The following SIM1 variants were observed in gnomAD, a reference collection of about 807,000 sequenced individuals.
SIM1 encodes the protein single-minded homolog 1.
A neutral mutation model predicts 78.2 loss-of-function variants in SIM1; 18 were observed. That is an observed-to-expected ratio of 0.23 (90% confidence interval 0.16 to 0.34). The LOEUF (loss-of-function observed/expected upper bound fraction) is 0.34. Ranked by LOEUF, SIM1 falls within the 10% of genes least tolerant of loss-of-function variation. SIM1 has a pLI of 1.00. For missense variants in SIM1, 939 were observed against 975.1 expected (o/e 0.96, Z 0.49); for synonymous variants, 417 against 385.2 (o/e 1.08, Z -0.97).
At position 100,393,567 on chromosome 6, in the gene SIM1, G is replaced by C; in HGVS notation, c.1490C>G (p.Pro497Arg). The change falls in exon 11 of 12, where the codon CCC (proline) becomes CGC (arginine). Residue 497 changes from proline to arginine, a missense_variant. Physicochemically the swap from Pro to Arg is moderately radical, Grantham distance 103. Around this residue, in one of 5 missense-constraint regions of SIM1, gnomAD observed 556 missense variants for 521.9 expected, o/e 1.07. Transcript: ENST00000369208. Reference protein sequence around the residue: ...EPWWGSRAALPLTKASPESRE... With the variant: ...EPWWGSRAALRLTKASPESRE... ...GCTTTCTGGGGAGGCCTTTGTCAGG[G>C]GCAAGGCTGCGCGAGAGCCCCACCA... The C allele has an allele frequency of 1.2e-6, 2 of 1,612,968 alleles. No homozygotes were observed. The highest frequency in any genetic ancestry group is 2.2e-5 in the South Asian group (2 of 91,012).
chr6:100,420,195 C>T lies in SIM1; in HGVS notation c.1167+595G>A, dbSNP rs117673229. Among the ~76,000 whole-genome samples the T allele has an allele frequency of 3.9e-3, 586 of 152,196 alleles. 8 individuals are homozygous for T. Among genetic ancestry groups the T allele is most frequent in the Admixed American group, 0.026 (390 of 15,288 alleles). On this transcript the variant is annotated intron_variant, in intron 10 of 11. Transcript: ENST00000369208. Reference sequence around the variant, plus strand: ...TTTTTTCTTCCAAGAACCAGGAATCCTATTTGTACCTTGCAGTGTTTCTGG... The same window carrying T: ...TTTTTTCTTCCAAGAACCAGGAATCTTATTTGTACCTTGCAGTGTTTCTGG...
chr6:100,464,164 C>T (rs1582333960), intron 1 of SIM1, among the ~76,000 whole-genome samples: 1 of 152,282 alleles, frequency 6.6e-6, no homozygotes, highest in African/African-American at 2.4e-5. Flanking sequence ...TGGGAAGTTG[C>T]CCAAACAACA....
rs759845717 is a variant in SIM1 at position 100,453,749 on chromosome 6, C to T, written c.258+13G>A. 1.3e-5 allele frequency: 21 copies of T among 1,601,818 alleles called. No homozygotes were observed. Among genetic ancestry groups the T allele is most frequent in the Non-Finnish European group, 1.8e-5 (21 of 1,171,738 alleles). ...TCAAAGCTTATGTGTTGCCGGAAGA[C>T]CTGCACCTGTACCTGGAGCAGATGG... On this transcript the variant is annotated intron_variant, in intron 3 of 11. Coordinates refer to ENST00000369208, the MANE Select transcript of SIM1 (RefSeq NM_005068.3).
At chr6:100,431,844 T>A (rs1771909708) in intron 9 of SIM1, among the ~76,000 whole-genome samples, 2 of 152,218 alleles carry the variant, frequency 1.3e-5, no homozygotes. Context: ...AATCTATTTG[T>A]CTTAAGCCGA....
At chr6:100,459,782 T>C (rs1772788099) in intron 2 of SIM1, among the ~76,000 whole-genome samples, 1 of 152,256 alleles carries the variant, frequency 6.6e-6, no homozygotes, top group African/African-American at 2.4e-5. Context: ...TCAGAAAATA[T>C]ATCTGATCCT....
At chr6:100,442,202 A>C (rs190107097) in intron 9 of SIM1, among the ~76,000 whole-genome samples, 13 of 152,362 alleles carry the variant, frequency 8.5e-5, no homozygotes, top group Admixed American at 5.2e-4. Flanking sequence ...TTCATGAAAG[A>C]TGAATTCAAA....
chr6:100,446,371 A>G (rs916970744), intron 9 of SIM1, among the ~76,000 whole-genome samples: 3 of 152,172 alleles, frequency 2.0e-5, no homozygotes, highest in Non-Finnish European at 4.4e-5. Context: ...TAAACAACCC[A>G]TGAGATCCCC....
intron 10 of SIM1, among the ~76,000 whole-genome samples, chr6:100,398,921 C>A (rs1014312702): frequency 6.8e-6 from 1 of 146,486 alleles, no homozygotes; most frequent in Non-Finnish European, 1.5e-5. Flanking sequence ...ACATCCTCAC[C>A]AACACTTGTT....
Position 100,390,903 on chromosome 6 carries a change from C to T in SIM1, c.1759G>A (p.Ala587Thr). The stretch of plus-strand genomic sequence containing the variant: ...ATGGAAGCCAGTTGGTCTGAGGGGG[C>T]TTTCCTTAGCTGTAATCTGTTCTCT... ...EEENRLQLRK[A>T]PSDQLASING... Residue 587 changes from alanine (A) to threonine (T), a missense_variant, in exon 12 of 12, where the codon GCC becomes ACC. By Grantham distance (58) the Ala-to-Thr change is moderately conservative (BLOSUM62 0). Transcript: ENST00000369208. The T allele has an allele frequency of 6.2e-7, 1 of 1,614,096 alleles. No homozygotes were observed. Among genetic ancestry groups the T allele is most frequent in the Non-Finnish European group, 8.5e-7 (1 of 1,180,020 alleles).
chr6:100,386,246 T>G lies in SIM1; in HGVS notation c.*4115A>C, dbSNP rs1322966201. ...CATTTTATATCAGAAAGACTGTGTT[T>G]GATTGTATTAAAGTGTAAGCTATTC... On this transcript the variant is annotated 3_prime_UTR_variant, in exon 12 of 12. Transcript: ENST00000369208. 4 of 152,152 alleles carry G rather than the reference T, an allele frequency of 2.6e-5. No individual in the cohort carries two copies. In the East Asian group the frequency reaches 7.7e-4, roughly 29 times the overall value. 9.4% of individuals were successfully genotyped at this position (152,152 alleles called of 1,614,324 possible). A position where few individuals can be genotyped will look rare whatever the true frequency, so the allele number is the denominator to read the frequency against.
At chr6:100,407,444 A>AT (rs938911957) in intron 10 of SIM1, among the ~76,000 whole-genome samples, 7 of 151,498 alleles carry the variant, frequency 4.6e-5, no homozygotes, top group East Asian at 1.9e-4. Flanking sequence ...CAACATACTG[A>AT]TTTTTTTTTC....
chr6:100,393,794 G>A lies in SIM1; in HGVS notation c.1263C>T (p.Asp421=). The change falls in exon 11 of 12, where the codon GAC becomes GAT. Residue 421 remains aspartate, a synonymous_variant. Transcript: ENST00000369208. The part of the protein sequence containing the change: ...LTDTASPQLL[D]PADRPGSQHD... The stretch of plus-strand genomic sequence containing the variant: ...GCTGGGAGCCAGGCCTATCGGCGGG[G>A]TCCAGAAGCTGCGGAGAGGCCGTGT... 1 of 1,614,032 alleles carries A rather than the reference G, an allele frequency of 6.2e-7. No individual in the cohort carries two copies. The highest frequency in any genetic ancestry group is 8.5e-7 in the Non-Finnish European group (1 of 1,179,958).
intron 9 of SIM1, among the ~76,000 whole-genome samples, chr6:100,436,264 C>A (rs1441231428): frequency 6.6e-6 from 1 of 152,196 alleles, no homozygotes; most frequent in Non-Finnish European, 1.5e-5. Context: ...ATGCTTATTT[C>A]TTTTCCCTAC....
chr6:100,457,174 G>A (rs1772686977), intron 2 of SIM1, among the ~76,000 whole-genome samples: 1 of 152,200 alleles, frequency 6.6e-6, no homozygotes, highest in Non-Finnish European at 1.5e-5. Flanking sequence ...CCCTCACTCT[G>A]ACAGGAAGAG....
intron 11 of SIM1, among the ~76,000 whole-genome samples, chr6:100,392,405 C>T (rs1244770235): frequency 1.3e-5 from 2 of 152,176 alleles, no homozygotes; most frequent in Non-Finnish European, 2.9e-5. Context: ...CTATTCGTTG[C>T]TTTCCTTTTA....
rs745612584 is a variant in SIM1, at chr6:100,447,335, C to T, written c.931G>A (p.Ala311Thr). 5 of 1,614,206 alleles carry T rather than the reference C, an allele frequency of 3.1e-6. No homozygotes were observed. The East Asian group carries it at 8.9e-5, about 29-fold the overall frequency. ...GAGCGACTGTTGTGCACGATGGTCG[C>T]GTAGCTCTGCACCCATACCCAGCCG... ...HGGWVWVQSY[A>T]TIVHNSRSSR... The change falls in exon 9 of 12, where the codon GCG (alanine) becomes ACG (threonine). Residue 311 changes from alanine to threonine, a missense_variant. Physicochemically the swap from Ala to Thr is moderately conservative, Grantham distance 58. Around this residue, in one of 5 missense-constraint regions of SIM1, gnomAD observed 66 missense variants for 108.4 expected, o/e 0.61. Transcript: ENST00000369208.
At chr6:100,454,055 A>G (rs1582322953) in intron 2 of SIM1, among the ~76,000 whole-genome samples, 1 of 152,176 alleles carries the variant, frequency 6.6e-6, no homozygotes, top group Non-Finnish European at 1.5e-5. Flanking sequence ...CCTCTTCTAA[A>G]CTAAAACTGG....
At chr6:100,429,104 C>A (rs1054578311) in intron 9 of SIM1, among the ~76,000 whole-genome samples, 1 of 152,126 alleles carries the variant, frequency 6.6e-6, no homozygotes, top group African/African-American at 2.4e-5. Context: ...CACGGTAGCT[C>A]ACGCCTGTAA....
At chr6:100,416,404 C>G (rs17241549) in intron 10 of SIM1, among the ~76,000 whole-genome samples, 8,326 of 152,156 alleles carry the variant, frequency 0.055, 286 homozygotes, top group Non-Finnish European at 0.07. Context: ...AGCAAAAAGC[C>G]TAATGTATAA....
Sources: allele counts gnomAD v4.1 joint callset (sites outside exome capture counted in the v4.1 genomes callset), GRCh38; gene constraint gnomAD v4.1.1; regional missense constraint gnomAD v4.1.1; transcripts MANE v1.5; gene names NCBI Gene and HGNC (gene_info 2026-07-23, HGNC 2026-07-21).